The following SHC4 variants were observed in gnomAD, a reference collection of about 807,000 sequenced individuals.
The protein encoded by SHC4 is SHC adaptor protein 4.
SHC4 carries 41 observed loss-of-function variants against 69.4 expected under a neutral mutation model. The observed-to-expected ratio is 0.59, with a 90% confidence interval of 0.46 to 0.77. The LOEUF (loss-of-function observed/expected upper bound fraction) is 0.77. SHC4 is among the 30% of genes least tolerant of loss of function. The probability of loss-of-function intolerance (pLI) is 0.00; values close to 1 mark genes in which losing one functional copy is unlikely to be tolerated. For missense variants in SHC4, 777 were observed against 783.8 expected (o/e 0.99, Z 0.10); for synonymous variants, 318 against 299.3 (o/e 1.06, Z -0.64).
At chr15:48,935,046 T>C (rs1901041135) in intron 1 of SHC4, among the ~76,000 whole-genome samples, 1 of 152,194 alleles carries the variant, frequency 6.6e-6, no homozygotes, top group Non-Finnish European at 1.5e-5. Flanking sequence ...CATTGAATTG[T>C]ATACTTTAAA....
intron 6 of SHC4, among the ~76,000 whole-genome samples, chr15:48,866,340 T>C (rs1178716322): frequency 6.6e-6 from 1 of 152,230 alleles, no homozygotes; most frequent in African/African-American, 2.4e-5. Flanking sequence ...TCAGTTTTAA[T>C]GGAGTATTTC....
intron 2 of SHC4, among the ~76,000 whole-genome samples, chr15:48,895,279 A>T (rs554493020): frequency 3.3e-5 from 5 of 152,186 alleles, no homozygotes; most frequent in Non-Finnish European, 7.3e-5. Context: ...CGCAATTGAC[A>T]GTGAGAGAGA....
chr15:48,864,275 T>C (rs1053122582), intron 6 of SHC4, among the ~76,000 whole-genome samples: 20 of 152,014 alleles, frequency 1.3e-4, no homozygotes, highest in African/African-American at 3.6e-4. Flanking sequence ...ATCTAAATAG[T>C]CATCAAGTAC....
chr15:48,878,624 C>T (rs1436510682), intron 4 of SHC4: 3 of 1,614,058 alleles, frequency 1.9e-6, no homozygotes, highest in South Asian at 2.2e-5. Context: ...GTTTCAGATG[C>T]ATTATGAGAA....
chr15:48,957,833 T>C (rs753057974), intron 1 of SHC4, among the ~76,000 whole-genome samples: 1 of 152,182 alleles, frequency 6.6e-6, no homozygotes, highest in Non-Finnish European at 1.5e-5. Flanking sequence ...CAATGACTGA[T>C]GTTCTTATAA....
At chr15:48,856,378 T>G (rs1899316549) in intron 7 of SHC4, among the ~76,000 whole-genome samples, 1 of 152,150 alleles carries the variant, frequency 6.6e-6, no homozygotes, top group African/African-American at 2.4e-5. Flanking sequence ...CCTCCAGTGA[T>G]AAAAATAATG....
chr15:48,863,003 C>A (rs62009458), intron 6 of SHC4, among the ~76,000 whole-genome samples: 12,656 of 146,648 alleles, frequency 0.086, 747 homozygotes, highest in Non-Finnish European at 0.13. Context: ...GCCAGCCCCA[C>A]CCCCAGCCCC....
chr15:48,952,669 T>C (rs1021499731), intron 1 of SHC4, among the ~76,000 whole-genome samples: 4 of 152,132 alleles, frequency 2.6e-5, no homozygotes, highest in Non-Finnish European at 5.9e-5. Flanking sequence ...AACTATCACA[T>C]GAAAAAGGCT....
At chr15:48,939,907 C>A (rs757180065) in intron 1 of SHC4, among the ~76,000 whole-genome samples, 1 of 152,236 alleles carries the variant, frequency 6.6e-6, no homozygotes. Context: ...GCTGTGCAGA[C>A]AAAGCTAATC....
At chr15:48,957,577 C>G (rs910354958) in intron 1 of SHC4, among the ~76,000 whole-genome samples, 1 of 152,146 alleles carries the variant, frequency 6.6e-6, no homozygotes, top group Non-Finnish European at 1.5e-5. Context: ...TAAAGAAAAT[C>G]TTTCAACACA....
intron 11 of SHC4, 126 bp from the exon 12 acceptor site, chr15:48,826,252 A>AT (rs1479061738): frequency 1.3e-5 from 11 of 855,076 alleles, no homozygotes; most frequent in Admixed American, 3.8e-5. Context: ...AAGAAAAGGT[A>AT]CTTTTTTTTT....
Position 48,825,628 on chromosome 15 carries a change from T to C in SHC4, c.*343A>G. On this transcript the variant is annotated 3_prime_UTR_variant, in exon 12 of 12. Transcript: ENST00000332408. ...CCAAATTATCAAGTTGAAAGGCACATACCACTGCCCCAGCAGTTCATTCAA... is the reference window on the plus strand; with the variant it reads ...CCAAATTATCAAGTTGAAAGGCACACACCACTGCCCCAGCAGTTCATTCAA... 1 of 191,842 alleles carries C rather than the reference T, an allele frequency of 5.2e-6. No individual in the cohort carries two copies. Among genetic ancestry groups the C allele is most frequent in the Admixed American group, 5.6e-5 (1 of 17,876 alleles). 11.9% of individuals were successfully genotyped at this position (191,842 alleles called of 1,614,324 possible). A position where few individuals can be genotyped will look rare whatever the true frequency, so the allele number is the denominator to read the frequency against.
intron 1 of SHC4, among the ~76,000 whole-genome samples, chr15:48,956,970 CTTTCTTTTTTT>C (rs1901466002): frequency 1.4e-5 from 1 of 70,166 alleles, no homozygotes; most frequent in Non-Finnish European, 2.6e-5. Context: ...TTCTTTCTTT[CTTTCTTTTTTT>C]TTTTTTTTTT....
At chr15:48,925,084 A>G in intron 1 of SHC4, 135 bp from the exon 2 acceptor site, 1 of 821,252 alleles carries the variant, frequency 1.2e-6, no homozygotes, top group Non-Finnish European at 2.0e-6. Flanking sequence ...TCTGCCTACA[A>G]CTGTTATTTC....
At chr15:48,916,527 A>G (rs1395039249) in intron 2 of SHC4, among the ~76,000 whole-genome samples, 2 of 149,844 alleles carry the variant, frequency 1.3e-5, no homozygotes, top group African/African-American at 2.5e-5. Context: ...CAAATCACCC[A>G]GAGAACCTCC....
At chr15:48,918,317 T>A (rs1900670181) in intron 2 of SHC4, among the ~76,000 whole-genome samples, 1 of 152,172 alleles carries the variant, frequency 6.6e-6, no homozygotes, top group Non-Finnish European at 1.5e-5. Context: ...CATAGGACAT[T>A]CTCTCACCTT....
chr15:48,936,944 GCA>G (rs1901082186), intron 1 of SHC4, among the ~76,000 whole-genome samples: 1 of 152,126 alleles, frequency 6.6e-6, no homozygotes, highest in African/African-American at 2.4e-5. Context: ...ACAGACTTGA[GCA>G]CAGACAAAGT....
chr15:48,942,105 G>A (rs1901185796), intron 1 of SHC4, among the ~76,000 whole-genome samples: 1 of 152,054 alleles, frequency 6.6e-6, no homozygotes, highest in African/African-American at 2.4e-5. Context: ...TAACTGTAGG[G>A]TTGCTTCAGG....
intron 4 of SHC4, among the ~76,000 whole-genome samples, chr15:48,875,949 C>G (rs1899790095): frequency 1.3e-5 from 2 of 152,208 alleles, no homozygotes; most frequent in African/African-American, 4.8e-5. Context: ...GTTTGTGCAG[C>G]TCTGTGAGGA....
Sources: allele counts gnomAD v4.1 joint callset (sites outside exome capture counted in the v4.1 genomes callset), GRCh38; gene constraint gnomAD v4.1.1; transcripts MANE v1.5; gene names NCBI Gene and HGNC (gene_info 2026-07-23, HGNC 2026-07-21).